DGLUCY: variants seen among roughly 807,000 people sequenced by gnomAD.
DGLUCY encodes the protein D-glutamate cyclase, mitochondrial.
Under a neutral mutation model 58.5 loss-of-function variants are expected in DGLUCY, and 58 were observed. That is an observed-to-expected ratio of 0.99 (90% CI 0.80 to 1.23). DGLUCY has a LOEUF of 1.23. Among genes scored for constraint, DGLUCY ranks in the 50% most tolerant of loss-of-function variants. The pLI is 0.00. For synonymous variants in DGLUCY, 325 were observed against 314.1 expected, an observed-to-expected ratio of 1.03 and a Z score of -0.37; for missense variants, 779 against 784.7, an observed-to-expected ratio of 0.99 and a Z score of 0.09.
chr14:91,105,560 G>A (rs1206226386), upstream of DGLUCY, among the ~76,000 whole-genome samples: 1 of 152,166 alleles, frequency 6.6e-6, no homozygotes, highest in African/African-American at 2.4e-5. Context: ...AAACAGGAGA[G>A]CAACATAGAG....
chr14:91,173,252 T>C, intron 5 of DGLUCY, 37 bp from the exon 6 acceptor site: 2 of 1,611,666 alleles, frequency 1.2e-6, no homozygotes, highest in South Asian at 2.2e-5. Flanking sequence ...TTCCATTTTT[T>C]AACATTTTCA....
intron 1 of DGLUCY, among the ~76,000 whole-genome samples, chr14:91,062,556 AAAATATATATAT>A (rs1566925263): frequency 9.8e-5 from 3 of 30,594 alleles, no homozygotes; most frequent in Non-Finnish European, 1.8e-4. Context: ...TAAAAAAAAA[AAAATATATATAT>A]ATATATATAT....
At chr14:91,075,039 T>C (rs1409545796) in intron 1 of DGLUCY, among the ~76,000 whole-genome samples, 1 of 147,394 alleles carries the variant, frequency 6.8e-6, no homozygotes, top group East Asian at 2.0e-4. Flanking sequence ...GCCATTGCAC[T>C]CCAGCGTGGG....
chr14:91,205,757 T>C (rs1446299017), intron 12 of DGLUCY, among the ~76,000 whole-genome samples: 2 of 107,248 alleles, frequency 1.9e-5, no homozygotes, highest in Admixed American at 1.7e-4. Context: ...GGGCATTCTC[T>C]TCTTCTTCTT....
At position 91,118,696 on chromosome 14, in the gene DGLUCY, A is replaced by G. The variant is rs572338159; in HGVS notation, c.-82+4413A>G. ...GGGGGATAATGAGGCATGTTCAGCC[A>G]TTCACCTCCCATCATGGCCTGGACT... is the stretch of plus-strand genomic sequence containing the variant. On this transcript the variant is annotated intron_variant, in intron 1 of 13. Transcript: ENST00000256324. Among the ~76,000 whole-genome samples, 14 of 152,300 alleles carry G rather than the reference A, an allele frequency of 9.2e-5. 1 individual carries two copies. Among genetic ancestry groups the G allele is most frequent in the African/African-American group, 2.9e-4 (12 of 41,558 alleles).
chr14:91,076,457 T>C (rs2044024254), intron 1 of DGLUCY, among the ~76,000 whole-genome samples: 1 of 152,206 alleles, frequency 6.6e-6, no homozygotes, highest in Admixed American at 6.5e-5. Context: ...TGTTTTTTTC[T>C]TCCTGAATCT....
At chr14:91,108,650 G>A (rs2044641981) in intron 1 of DGLUCY, among the ~76,000 whole-genome samples, 1 of 151,984 alleles carries the variant, frequency 6.6e-6, no homozygotes. Flanking sequence ...GCATCCTCCT[G>A]CCTCAGCCTC....
chr14:91,202,497 T>A (rs2050633701), intron 11 of DGLUCY, among the ~76,000 whole-genome samples: 1 of 152,172 alleles, frequency 6.6e-6, no homozygotes, highest in African/African-American at 2.4e-5. Flanking sequence ...TTTCTGCAAA[T>A]CGCCCTGGCT....
At chr14:91,147,742 T>A (rs2047087752) in intron 1 of DGLUCY, 1 of 152,232 alleles carries the variant, frequency 6.6e-6, no homozygotes, top group African/African-American at 2.4e-5. Flanking sequence ...TGTGATGGCT[T>A]TATTATGTAC....
chr14:91,150,503 G>A (rs1327766115), intron 1 of DGLUCY, among the ~76,000 whole-genome samples: 1 of 152,062 alleles, frequency 6.6e-6, no homozygotes, highest in Non-Finnish European at 1.5e-5. Flanking sequence ...GTGCAGTGGT[G>A]CAATCGTGGC....
intron 13 of DGLUCY, among the ~76,000 whole-genome samples, chr14:91,222,061 C>T (rs939423975): frequency 4.6e-5 from 7 of 152,316 alleles, no homozygotes; most frequent in Middle Eastern, 3.4e-3. Flanking sequence ...TCACTTGGGT[C>T]CTCCATTCCT....
Position 91,170,269 on chromosome 14 carries a change from TG to T in DGLUCY, c.456+72del, listed in dbSNP as rs1487222556. On this transcript the variant is annotated intron_variant, in intron 5 of 13. Transcript: ENST00000256324. ...AGATGCAGATCAACTTACATATTCC[TG>T]GGGTGGGGAGAACATGGGCACGGGA... The T allele has an allele frequency of 1.2e-5, 19 of 1,527,492 alleles. No homozygotes were observed. In the Admixed American group the frequency reaches 1.3e-4, roughly 11 times the overall value. 94.6% of individuals were successfully genotyped at this position (1,527,492 alleles called of 1,614,324 possible). A position where few individuals can be genotyped will look rare whatever the true frequency, so the allele number is the denominator to read the frequency against.
At chr14:91,179,107 T>G (rs1324520836) in intron 7 of DGLUCY, among the ~76,000 whole-genome samples, 1 of 152,232 alleles carries the variant, frequency 6.6e-6, no homozygotes, top group Non-Finnish European at 1.5e-5. Flanking sequence ...ACACCTATTA[T>G]GCGCAAGGCC....
chr14:91,191,182 C>T (rs1461842610), intron 9 of DGLUCY, among the ~76,000 whole-genome samples: 2 of 152,154 alleles, frequency 1.3e-5, no homozygotes, highest in African/African-American at 2.4e-5. Flanking sequence ...CCCTCGAGGA[C>T]ATCTTGAGAA....
rs771038643 is a variant in DGLUCY at position 91,160,383 on chromosome 14, C to G, written c.89C>G (p.Ser30Cys). 11 of 1,503,312 alleles carry G rather than the reference C, an allele frequency of 7.3e-6. No individual in the cohort carries two copies. The highest frequency in any genetic ancestry group is 2.9e-5 in the African/African-American group (2 of 69,098). The allele number at this position is 1,503,312 out of a possible 1,614,324, so 93.1% of individuals were successfully genotyped here. The change falls in exon 3 of 14, where the codon TCC becomes TGC. Residue 30 changes from serine to cysteine, a missense_variant. Transcript: ENST00000256324. ...AAGAAACCAAACATCAGAAATACAT[C>G]CAGCATGGCTGGAGGTAAGTGGTGC... ...LQKKPNIRNT[S>C]SMAGELRPAS... is the part of the protein sequence containing the mutation.
intron 1 of DGLUCY, among the ~76,000 whole-genome samples, chr14:91,068,081 A>ACG (rs1006775700): frequency 8.3e-4 from 16 of 19,296 alleles, no homozygotes; most frequent in Admixed American, 2.5e-3. Flanking sequence ...ACGCGCACGC[A>ACG]CACACACACA....
chr14:91,140,479 C>T (rs1001611133), intron 1 of DGLUCY, among the ~76,000 whole-genome samples: 1 of 152,140 alleles, frequency 6.6e-6, no homozygotes, highest in Non-Finnish European at 1.5e-5. Context: ...CAAGAGCAGC[C>T]TGGCCAACAT....
At chr14:91,060,362 G>A (rs770267401) in exon 1 of DGLUCY, 4 of 1,495,996 alleles carry the variant, frequency 2.7e-6, no homozygotes, top group South Asian at 2.6e-5. Context: ...ACAGTGAGGA[G>A]CTGCTCTCCT....
intron 1 of DGLUCY, among the ~76,000 whole-genome samples, chr14:91,118,204 C>T (rs2045118007): frequency 6.6e-6 from 1 of 151,460 alleles, no homozygotes; most frequent in Admixed American, 6.6e-5. Context: ...CTTCAGCCTC[C>T]CAAGTAGCTG....
Sources: allele counts gnomAD v4.1 joint callset (sites outside exome capture counted in the v4.1 genomes callset), GRCh38; gene constraint gnomAD v4.1.1; transcripts MANE v1.5; gene names NCBI Gene and HGNC (gene_info 2026-07-23, HGNC 2026-07-21).